Variants in KRT18 observed in about 807,000 individuals in gnomAD.
KRT18 encodes keratin, type I cytoskeletal 18.
Under a neutral mutation model 39.9 loss-of-function variants are expected in KRT18, and 8 were observed. The observed-to-expected ratio is 0.20, with a 90% CI of 0.12 to 0.36. The LOEUF is 0.36. KRT18 is among the 10% of genes least tolerant of loss of function. KRT18 has a pLI of 1.00. For synonymous variants in KRT18, 194 were observed against 227.8 expected (o/e 0.85, Z 1.33); for missense variants, 396 against 565.7 (o/e 0.70, Z 3.04).
Position 52,950,369 on chromosome 12 carries a change from G to C in KRT18, c.459G>C (p.Gln153His). Residue 153 changes from glutamine to histidine, a missense_variant, in exon 2 of 7, where the codon CAG becomes CAC. Physicochemically the swap from Gln to His is conservative, Grantham distance 24 (BLOSUM62 0). Coordinates refer to ENST00000388835, the MANE Select transcript of KRT18 (RefSeq NM_000224.3). ...NTVDNARIVLQIDNARLAADD... is the reference protein window; with the variant it reads ...NTVDNARIVLHIDNARLAADD... ...TGGACAATGCCCGCATCGTTCTGCA[G>C]ATTGACAATGCCCGTCTTGCTGCTG... 1.9e-6 allele frequency: 3 copies of C among 1,613,768 alleles called. No homozygotes were observed. In the East Asian group the frequency reaches 6.7e-5, roughly 36 times the overall value.
At chr12:52,950,696 G>T in intron 2 of KRT18, 54 bp from the exon 3 acceptor site, 1 of 1,570,758 alleles carries the variant, frequency 6.4e-7, no homozygotes, top group South Asian at 1.1e-5. Context: ...GGCATGAGTT[G>T]AGAAGGTTCT....
At position 52,949,123 on chromosome 12, in the gene KRT18, C is replaced by T. The variant is rs372353986; in HGVS notation, c.-51C>T. Reference sequence around the variant, plus strand: ...GGGTCGCGCGGCTCGCGCAGGCCGCCACCGTCGTCCGCAAAGCCTGAGTCC... The same window carrying T: ...GGGTCGCGCGGCTCGCGCAGGCCGCTACCGTCGTCCGCAAAGCCTGAGTCC... On this transcript the variant is annotated 5_prime_UTR_variant, in exon 1 of 7. Transcript: ENST00000388835. The T allele has an allele frequency of 4.2e-5, 57 of 1,359,276 alleles. No homozygotes were observed. The African/African-American group carries it at 1.0e-3, about 24-fold the overall frequency. The allele number at this position is 1,359,276 out of a possible 1,614,324, so 84.2% of individuals were successfully genotyped here.
In KRT18 at chr12:52,952,863, C is replaced by G. The variant is rs1450979456; in HGVS notation, c.*21C>G. On this transcript the variant is annotated 3_prime_UTR_variant, in exon 7 of 7. Transcript: ENST00000388835. ...ATTAAGCCAGCAGAAGCAGGGTACC[C>G]TTTGGGGAGCAGGAGGCCAATAAAA... 2.5e-6 allele frequency: 4 copies of G among 1,601,574 alleles called. No homozygotes were observed. In the East Asian group the frequency reaches 8.9e-5, roughly 36 times the overall value.
intron 2 of KRT18, 89 bp downstream of exon 2, chr12:52,950,499 G>A: frequency 1.0e-6 from 1 of 973,876 alleles, no homozygotes; most frequent in Non-Finnish European, 1.7e-6. Context: ...GGCTCACAGT[G>A]GGATCCTGTT....
Position 52,949,291 on chromosome 12 carries a change from G to A in KRT18, c.118G>A (p.Gly40Arg), listed in dbSNP as rs773038025. The A allele has an allele frequency of 1.2e-6, 2 of 1,610,310 alleles. No individual in the cohort carries two copies. The highest frequency in any genetic ancestry group is 1.7e-6 in the Non-Finnish European group (2 of 1,179,636). The change falls in exon 1 of 7, where the codon GGG becomes AGG. Residue 40 changes from glycine to arginine, a missense_variant. Gly to Arg is a moderately radical substitution (Grantham distance 125). Coordinates refer to ENST00000388835, the MANE Select transcript of KRT18 (RefSeq NM_000224.3). ...SSAASVYAGA[G>R]GSGSRISVSR... is the part of the protein sequence containing the mutation. The stretch of plus-strand genomic sequence containing the variant: ...CGCGGCCAGCGTCTATGCAGGCGCT[G>A]GGGGCTCTGGTTCCCGGATCTCCGT...
chr12:52,949,060 C>A (rs574125666), upstream of KRT18: 10 of 1,038,772 alleles, frequency 9.6e-6, 1 homozygote, highest in South Asian at 2.7e-5. Flanking sequence ...CGAAGCGGCT[C>A]CGGGGCGGGG....
In KRT18 at chr12:52,949,269, G is replaced by A. The variant is rs778594717; in HGVS notation, c.96G>A (p.Ala32=). 1.9e-6 allele frequency: 3 copies of A among 1,611,064 alleles called. No individual in the cohort carries two copies. The South Asian group carries it at 3.3e-5, about 18-fold the overall frequency. ...PSYGARPVSS[A]ASVYAGAGGS... ...ACGGCGCCCGGCCGGTCAGCAGCGCGGCCAGCGTCTATGCAGGCGCTGGGG... is the reference window on the plus strand; with the variant it reads ...ACGGCGCCCGGCCGGTCAGCAGCGCAGCCAGCGTCTATGCAGGCGCTGGGG... The change falls in exon 1 of 7, where the codon GCG becomes GCA. Residue 32 remains alanine (A), a synonymous_variant. Coordinates refer to ENST00000388835, the MANE Select transcript of KRT18 (RefSeq NM_000224.3).
Position 52,952,160 on chromosome 12 carries a change from C to T in KRT18, c.990C>T (p.Arg330=). 1.3e-6 allele frequency: 2 copies of T among 1,574,740 alleles called. No homozygotes were observed. Among genetic ancestry groups the T allele is most frequent in the Non-Finnish European group, 1.7e-6 (2 of 1,159,900 alleles). ...LENSLREVEA[R]YALQMEQLNG... ...ACAGCCTGAGGGAGGTGGAGGCCCG[C>T]TACGCCCTACAGATGGAGCAGCTCA... The change falls in exon 6 of 7, where the codon CGC becomes CGT. Residue 330 remains arginine, a synonymous_variant. Coordinates refer to ENST00000388835, the MANE Select transcript of KRT18 (RefSeq NM_000224.3).
At chr12:52,949,954 C>G (rs1592193694) in intron 1 of KRT18, 1 of 617,640 alleles carries the variant, frequency 1.6e-6, no homozygotes, top group Admixed American at 2.8e-5. Context: ...TAGGAGTAAA[C>G]AAGAGGCCTT....
upstream of KRT18, chr12:52,948,909 A>G: frequency 2.3e-6 from 1 of 433,174 alleles, no homozygotes; most frequent in Non-Finnish European, 4.0e-6. Context: ...GTCCGTGTCC[A>G]TGCCCGGTTG....
intron 6 of KRT18, 83 bp from the exon 7 acceptor site, chr12:52,952,639 A>G: frequency 2.1e-6 from 3 of 1,456,836 alleles, no homozygotes; most frequent in South Asian, 1.1e-5. Context: ...GGTAGAGGTC[A>G]GGAGGCTTTT....
At chr12:52,950,491 C>T in intron 2 of KRT18, 81 bp downstream of exon 2, 1 of 1,016,132 alleles carries the variant, frequency 9.8e-7, no homozygotes, top group Non-Finnish European at 1.6e-6. Flanking sequence ...CAGTTAGGGG[C>T]TCACAGTGGG....
Position 52,950,390 on chromosome 12 carries a change from T to G in KRT18, c.480T>G (p.Ala160=), listed in dbSNP as rs1195531288. ...TGCAGATTGACAATGCCCGTCTTGC[T>G]GCTGATGACTTTAGAGTCAAGTAAG... ...IVLQIDNARL[A]ADDFRVKYET... is the part of the protein sequence containing the mutation. The change falls in exon 2 of 7, where the codon GCT becomes GCG. Residue 160 remains alanine, a synonymous_variant. Transcript: ENST00000388835. 6.2e-6 allele frequency: 10 copies of G among 1,613,048 alleles called. No homozygotes were observed. The highest frequency in any genetic ancestry group is 8.5e-6 in the Non-Finnish European group (10 of 1,179,102).
rs779038487 is a variant in KRT18 at position 52,949,354 on chromosome 12, G to T, written c.181G>T (p.Gly61Trp). ...CAGCTTCAGGGGCGGCATGGGGTCC[G>T]GGGGCCTGGCCACCGGGATAGCCGG... The part of the protein sequence containing the change: ...STSFRGGMGS[G>W]GLATGIAGGL... The change falls in exon 1 of 7, where the codon GGG becomes TGG. Residue 61 changes from glycine (G) to tryptophan (W), a missense_variant. Gly to Trp is a radical substitution (Grantham distance 184). Coordinates refer to ENST00000388835, the MANE Select transcript of KRT18 (RefSeq NM_000224.3). 5 of 1,609,520 alleles carry T rather than the reference G, an allele frequency of 3.1e-6. No individual in the cohort carries two copies. The South Asian group carries it at 4.4e-5, about 14-fold the overall frequency.
In KRT18 at chr12:52,950,824, C is replaced by T; in HGVS notation, c.575C>T (p.Thr192Ile). 6 of 1,610,222 alleles carry T rather than the reference C, an allele frequency of 3.7e-6. No homozygotes were observed. The highest frequency in any genetic ancestry group is 1.1e-5 in the South Asian group (1 of 90,526). ...GGGCTCCGCAAGGTCATTGATGACA[C>T]CAATATCACACGACTGCAGCTGGAG... ...IHGLRKVIDDTNITRLQLETE... is the reference protein window; with the variant it reads ...IHGLRKVIDDINITRLQLETE... Residue 192 changes from threonine to isoleucine, a missense_variant, in exon 3 of 7, where the codon ACC becomes ATC. Physicochemically the swap from Thr to Ile is moderately conservative, Grantham distance 89 (BLOSUM62 -1). Transcript: ENST00000388835.
chr12:52,949,672 T>A (rs920476754), intron 1 of KRT18, 82 bp downstream of exon 1: 5 of 1,258,862 alleles, frequency 4.0e-6, no homozygotes, highest in Non-Finnish European at 5.6e-6. Flanking sequence ...CGTCATTCCA[T>A]AACCACCCAA....
Position 52,952,310 on chromosome 12 carries a change from C to T in KRT18, c.1140C>T (p.Tyr380=), listed in dbSNP as rs1942505639. Residue 380 remains tyrosine (Y), a synonymous_variant, in exon 6 of 7, where the codon TAC becomes TAT. Coordinates refer to ENST00000388835, the MANE Select transcript of KRT18 (RefSeq NM_000224.3). The stretch of plus-strand genomic sequence containing the variant: ...AGCTGGAGGCTGAGATCGCCACCTA[C>T]CGCCGCCTGCTGGAAGATGGCGAGG... ...KVKLEAEIAT[Y]RRLLEDGEDF... 1 of 1,606,934 alleles carries T rather than the reference C, an allele frequency of 6.2e-7. No individual in the cohort carries two copies. Among genetic ancestry groups the T allele is most frequent in the Non-Finnish European group, 8.5e-7 (1 of 1,177,442 alleles).
chr12:52,951,658 A>AG lies in KRT18; in HGVS notation c.822+17dup. On this transcript the variant is annotated intron_variant, in intron 4 of 6. Transcript: ENST00000388835. ...CTGGTCTCAGCAGGTGCGTGAGGGGAGGGGATGGCTGCCAAGGTGTGGGAG... is the reference window on the plus strand; with the variant it reads ...CTGGTCTCAGCAGGTGCGTGAGGGGAGGGGGATGGCTGCCAAGGTGTGGGAG... 1 of 1,613,262 alleles carries AG rather than the reference A, an allele frequency of 6.2e-7. No homozygotes were observed. The highest frequency in any genetic ancestry group is 1.3e-5 in the African/African-American group (1 of 74,954).
Position 52,951,741 on chromosome 12 carries a change from G to A in KRT18, c.833G>A (p.Ser278Asn). 1 of 1,613,382 alleles carries A rather than the reference G, an allele frequency of 6.2e-7. No homozygotes were observed. Among genetic ancestry groups the A allele is most frequent in the African/African-American group, 1.3e-5 (1 of 75,030 alleles). ...DKYWSQQIEE[S>N]TTVVTTQSAE... ...GTCCCCATCCTGCAGATTGAGGAGA[G>A]CACCACAGTGGTCACCACACAGTCT... Residue 278 changes from serine (S) to asparagine (N), a missense_variant, in exon 5 of 7, where the codon AGC becomes AAC. By Grantham distance (46) the Ser-to-Asn change is conservative. Coordinates refer to ENST00000388835, the MANE Select transcript of KRT18 (RefSeq NM_000224.3).
Sources: gnomAD v4.1 joint callset for allele counts on GRCh38, gnomAD v4.1.1 for gene constraint, MANE v1.5 for transcripts, NCBI Gene and HGNC (gene_info 2026-07-23, HGNC 2026-07-21) for gene names.